TBC1D22A: variants seen among roughly 807,000 people sequenced by gnomAD.
TBC1D22A encodes the protein TBC1 domain family member 22A.
In TBC1D22A, 38 loss-of-function variants were observed where a neutral mutation model predicts 60.2. That is an observed-to-expected ratio of 0.63 (90% CI 0.49 to 0.83). The LOEUF is 0.83. Ranked by LOEUF, TBC1D22A falls within the 40% of genes least tolerant of loss-of-function variation. TBC1D22A has a pLI of 0.00. For synonymous variants in TBC1D22A, 302 were observed against 281.7 expected (o/e 1.07, Z -0.72); for missense variants, 628 against 701.0 (o/e 0.90, Z 1.18).
At chr22:46,894,702 C>T in intron 6 of TBC1D22A, 82 bp from the exon 7 acceptor site, 1 of 1,529,704 alleles carries the variant, frequency 6.5e-7, no homozygotes. Flanking sequence ...GGACTTACCT[C>T]AGTATTGCTG....
chr22:46,987,079 G>A (rs949002301), intron 9 of TBC1D22A, among the ~76,000 whole-genome samples: 1 of 152,176 alleles, frequency 6.6e-6, no homozygotes, highest in Non-Finnish European at 1.5e-5. Flanking sequence ...GATGGTACAA[G>A]GCTCCCAGTG....
chr22:47,149,966 T>C (rs936298262), intron 12 of TBC1D22A, among the ~76,000 whole-genome samples: 4 of 151,962 alleles, frequency 2.6e-5, no homozygotes, highest in Non-Finnish European at 5.9e-5. Context: ...TCCTCTCCCA[T>C]AGCAGAAACC....
intron 11 of TBC1D22A, among the ~76,000 whole-genome samples, chr22:47,090,708 A>G (rs1408063326): frequency 6.6e-6 from 1 of 151,722 alleles, no homozygotes; most frequent in Non-Finnish European, 1.5e-5. Flanking sequence ...GACAGGCACT[A>G]GAAGTCATCT....
At chr22:47,058,243 G>T (rs1347872220) in intron 11 of TBC1D22A, among the ~76,000 whole-genome samples, 1 of 152,164 alleles carries the variant, frequency 6.6e-6, no homozygotes, top group Non-Finnish European at 1.5e-5. Context: ...GCTCTGAGGG[G>T]CTGGCCTCCT....
chr22:46,797,279 A>G (rs1019770699), intron 3 of TBC1D22A, among the ~76,000 whole-genome samples, 165 bp from the exon 4 acceptor site: 6 of 152,240 alleles, frequency 3.9e-5, no homozygotes, highest in African/African-American at 1.2e-4. Flanking sequence ...GTGAATTTCA[A>G]AGGTGTCAGT....
intron 10 of TBC1D22A, among the ~76,000 whole-genome samples, chr22:47,019,577 T>C (rs1011497157): frequency 3.3e-5 from 5 of 150,444 alleles, no homozygotes; most frequent in African/African-American, 1.2e-4. Flanking sequence ...GGAGGGAGGA[T>C]GGGGCAGCAG....
chr22:47,029,872 C>G (rs570460674), intron 10 of TBC1D22A, among the ~76,000 whole-genome samples: 2 of 152,360 alleles, frequency 1.3e-5, no homozygotes, highest in South Asian at 2.1e-4. Context: ...CTGCTTCCCC[C>G]AGAGTGGCCT....
chr22:47,107,314 A>G (rs2065672069), intron 11 of TBC1D22A, among the ~76,000 whole-genome samples: 1 of 152,204 alleles, frequency 6.6e-6, no homozygotes, highest in African/African-American at 2.4e-5. Flanking sequence ...ACCTGAATGT[A>G]TCAGGAGTCA....
rs573940301 is a variant in TBC1D22A, at chr22:46,979,872, C to T, written c.1125+5473C>T. 2.6e-5 allele frequency among the ~76,000 whole-genome samples: 4 copies of T among 152,064 alleles called. 1 individual carries two copies. The highest frequency in any genetic ancestry group is 4.8e-5 in the African/African-American group (2 of 41,410). On this transcript the variant is annotated intron_variant, in intron 9 of 12. Transcript: ENST00000337137. ...CAGACCCCTTGAAAGGTCTAGGGAC[C>T]CCCAGGAGTTGGCTGGCTACCGTCT... is the stretch of plus-strand genomic sequence containing the variant.
At chr22:47,055,314 G>C (rs1198086626) in intron 11 of TBC1D22A, among the ~76,000 whole-genome samples, 1 of 152,206 alleles carries the variant, frequency 6.6e-6, no homozygotes, top group Non-Finnish European at 1.5e-5. Flanking sequence ...GCTGATGCTC[G>C]GGTTGGAGCA....
chr22:47,037,051 C>T lies in TBC1D22A; in HGVS notation c.1202-20C>T, dbSNP rs962780952. On this transcript the variant is annotated intron_variant, in intron 10 of 12. Transcript: ENST00000337137. ...TAGGGCTCCCCTGACAGCCTTGGGG[C>T]CTGTGTTTGTTTTGTGCAGAGCAAG... The T allele has an allele frequency of 1.2e-6, 2 of 1,612,778 alleles. No individual in the cohort carries two copies. The highest frequency in any genetic ancestry group is 1.7e-6 in the Non-Finnish European group (2 of 1,179,298).
chr22:46,770,287 G>A (rs562799689), intron 1 of TBC1D22A, among the ~76,000 whole-genome samples: 1 of 152,192 alleles, frequency 6.6e-6, no homozygotes, highest in Non-Finnish European at 1.5e-5. Flanking sequence ...TCCTGCATCC[G>A]CCAGGAGCTG....
chr22:46,960,982 C>T (rs900817321), intron 8 of TBC1D22A, among the ~76,000 whole-genome samples: 2 of 145,670 alleles, frequency 1.4e-5, no homozygotes, highest in Non-Finnish European at 3.0e-5. Context: ...AAAAAAGATA[C>T]CCAGTCCGTA....
chr22:46,992,349 A>T (rs990564269), intron 9 of TBC1D22A, among the ~76,000 whole-genome samples: 1 of 152,248 alleles, frequency 6.6e-6, no homozygotes, highest in East Asian at 1.9e-4. Context: ...GAGACTCAGC[A>T]CCGAGGATGT....
At chr22:46,960,763 G>A (rs542000568) in intron 8 of TBC1D22A, among the ~76,000 whole-genome samples, 19 of 152,088 alleles carry the variant, frequency 1.2e-4, no homozygotes, top group Middle Eastern at 3.4e-3. Flanking sequence ...TGGCTAACAC[G>A]GTGAAACGCT....
intron 11 of TBC1D22A, among the ~76,000 whole-genome samples, chr22:47,058,437 C>T (rs559464978): frequency 3.3e-4 from 50 of 152,264 alleles, no homozygotes; most frequent in African/African-American, 1.0e-3. Context: ...TCAGCCCCAC[C>T]GTCCTTCCTC....
chr22:46,925,614 C>A (rs1040430681), intron 8 of TBC1D22A, among the ~76,000 whole-genome samples: 9 of 152,206 alleles, frequency 5.9e-5, no homozygotes, highest in Non-Finnish European at 1.3e-4. Context: ...TCTGTAGATT[C>A]TTTTCCATAG....
intron 4 of TBC1D22A, among the ~76,000 whole-genome samples, chr22:46,814,286 A>C (rs62233791): frequency 5.3e-5 from 8 of 152,050 alleles, no homozygotes; most frequent in African/African-American, 1.7e-4. Context: ...CATTTCTCAC[A>C]GTAGTCCTGT....
chr22:46,905,280 G>A (rs2069379594), intron 7 of TBC1D22A, among the ~76,000 whole-genome samples: 1 of 152,216 alleles, frequency 6.6e-6, no homozygotes, highest in African/African-American at 2.4e-5. Context: ...ATGAGGCAGT[G>A]AAAACAACAG....
Sources: gnomAD v4.1 joint callset for allele counts (sites outside exome capture counted in the v4.1 genomes callset) on GRCh38, gnomAD v4.1.1 for gene constraint, MANE v1.5 for transcripts, NCBI Gene and HGNC (gene_info 2026-07-23, HGNC 2026-07-21) for gene names.